The following CEP350 variants were observed in gnomAD, a reference collection of about 807,000 sequenced individuals.
CEP350 encodes centrosome-associated protein 350.
A neutral mutation model predicts 331.8 loss-of-function variants in CEP350; 126 were observed. That is an observed-to-expected ratio of 0.38 (90% confidence interval 0.33 to 0.44). The LOEUF is 0.44. Ranked by LOEUF, CEP350 falls within the 20% of genes least tolerant of loss-of-function variation. The pLI is 1.00. For missense variants in CEP350, 3,406 were observed against 3,634.6 expected (o/e 0.94, Z 1.62); for synonymous variants, 1,200 against 1,259.5 (o/e 0.95, Z 1.00).
chr1:180,096,033 T>C lies in CEP350; in HGVS notation c.8920-5T>C, dbSNP rs756230190. ...TTTTGTTTTGTTTTGTTTTTCTCTA[T>C]CAAGGCGGTTTTTGATTTAACAAAA... On this transcript the variant is annotated splice_polypyrimidine_tract_variant and splice_region_variant and intron_variant, in intron 35 of 37. Coordinates refer to ENST00000367607, the MANE Select transcript of CEP350 (RefSeq NM_014810.5). The C allele has an allele frequency of 6.4e-6, 10 of 1,551,314 alleles. No individual in the cohort carries two copies. The Middle Eastern group carries it at 1.5e-3, about 233-fold the overall frequency.
At chr1:180,039,452 G>T (rs1345104819) in intron 17 of CEP350, among the ~76,000 whole-genome samples, 1 of 151,976 alleles carries the variant, frequency 6.6e-6, no homozygotes, top group Non-Finnish European at 1.5e-5. Context: ...TTAATTTTTG[G>T]ATTTGATGTG....
rs1245070675 is a variant in CEP350 at position 180,054,575 on chromosome 1, G to C, written c.5262+73G>C. The C allele has an allele frequency of 8.1e-6, 9 of 1,107,790 alleles. No individual in the cohort carries two copies. In the East Asian group the frequency reaches 2.3e-4, roughly 29 times the overall value. The allele number at this position is 1,107,790 out of a possible 1,614,324, so 68.6% of individuals were successfully genotyped here. A position where few individuals can be genotyped will look rare whatever the true frequency, so the allele number is the denominator to read the frequency against. Reference sequence around the variant, plus strand: ...GTTTGTGGAATCTATTATTTTGCCTGATTTCTTTTCCTTATCATTGCCTTA... The same window carrying C: ...GTTTGTGGAATCTATTATTTTGCCTCATTTCTTTTCCTTATCATTGCCTTA... On this transcript the variant is annotated intron_variant, in intron 25 of 37. Transcript: ENST00000367607.
At chr1:180,079,786 C>T (rs1267345926) in intron 29 of CEP350, among the ~76,000 whole-genome samples, 2 of 151,938 alleles carry the variant, frequency 1.3e-5, no homozygotes, top group African/African-American at 4.8e-5. Context: ...TTGGAATAGC[C>T]ACAAACTGGC....
At chr1:179,984,233 A>G (rs1049648073) in intron 1 of CEP350, among the ~76,000 whole-genome samples, 44 of 152,220 alleles carry the variant, frequency 2.9e-4, no homozygotes, top group Admixed American at 2.8e-3. Flanking sequence ...TCTAACTCAT[A>G]ACCTCCCACC....
At chr1:179,981,613 C>T (rs1199374603) in intron 1 of CEP350, among the ~76,000 whole-genome samples, 2 of 152,106 alleles carry the variant, frequency 1.3e-5, no homozygotes, top group African/African-American at 4.8e-5. Flanking sequence ...AAAATATTCA[C>T]TTACAGGGCA....
At chr1:179,989,341 G>A (rs1440837924) in intron 3 of CEP350, among the ~76,000 whole-genome samples, 2 of 151,678 alleles carry the variant, frequency 1.3e-5, no homozygotes, top group Non-Finnish European at 2.9e-5. Flanking sequence ...AAATTAGCTG[G>A]GCATGGTGGT....
chr1:180,091,202 ACG>A (rs1660176619), intron 33 of CEP350, among the ~76,000 whole-genome samples: 1 of 147,476 alleles, frequency 6.8e-6, no homozygotes, highest in Non-Finnish European at 1.5e-5. Flanking sequence ...TTTTTAAGAG[ACG>A]GGGGGGTCTC....
At position 180,018,950 on chromosome 1, in the gene CEP350, G is replaced by T. The variant is rs1655145923; in HGVS notation, c.2175-999G>T. On this transcript the variant is annotated intron_variant, in intron 11 of 37. Coordinates refer to ENST00000367607, the MANE Select transcript of CEP350 (RefSeq NM_014810.5). ...GGCCCAATGCGTCCTCCACCTCTCG[G>T]GTTCAAGCGATACTTGTGCCTTAAC... Among the ~76,000 whole-genome samples the T allele has an allele frequency of 2.0e-5, 3 of 151,716 alleles. No individual in the cohort carries two copies. In the South Asian group the frequency reaches 6.2e-4, roughly 32 times the overall value.
Position 180,084,164 on chromosome 1 carries a change from A to T in CEP350, c.6271A>T (p.Ile2091Phe). The T allele has an allele frequency of 6.3e-7, 1 of 1,589,374 alleles. No homozygotes were observed. The highest frequency in any genetic ancestry group is 8.6e-7 in the Non-Finnish European group (1 of 1,167,190). ...ERLKAQEASL[I>F]KQLESYDEFI... ...ACTGAAAGCCCAAGAAGCCAGTCTG[A>T]TCAAGCAGTTAGAGGTTAGACATAG... The change falls in exon 31 of 38, where the codon ATC becomes TTC. Residue 2091 changes from isoleucine to phenylalanine, a missense_variant. Coordinates refer to ENST00000367607, the MANE Select transcript of CEP350 (RefSeq NM_014810.5).
chr1:180,084,825 G>A (rs1474106643), intron 31 of CEP350, among the ~76,000 whole-genome samples: 2 of 152,052 alleles, frequency 1.3e-5, no homozygotes, highest in Non-Finnish European at 2.9e-5. Context: ...GATTGCACCT[G>A]TGAATAGCCA....
intron 1 of CEP350, among the ~76,000 whole-genome samples, chr1:179,956,033 A>G (rs1345047900): frequency 1.3e-5 from 2 of 152,204 alleles, no homozygotes; most frequent in Admixed American, 6.5e-5. Flanking sequence ...AGTTCTGTAG[A>G]AACAATGATA....
At chr1:180,061,492 C>T (rs981212170) in intron 25 of CEP350, among the ~76,000 whole-genome samples, 1 of 152,040 alleles carries the variant, frequency 6.6e-6, no homozygotes, top group African/African-American at 2.4e-5. Context: ...CCATGCCCAG[C>T]CAAGAAAACA....
rs1553255696 is a variant in CEP350, at chr1:180,018,853, C to CTTCCTTT, written c.2175-1094_2175-1093insCCTTTTT. ...AAAGCCTCATGTTCGTCTTCTCTTTCTTTCTTTTTTTTTTTTTTTTTCTGA... is the reference window on the plus strand; with the variant it reads ...AAAGCCTCATGTTCGTCTTCTCTTTCTTCCTTTTTTCTTTTTTTTTTTTTTTTTCTGA... On this transcript the variant is annotated intron_variant, in intron 11 of 37. Transcript: ENST00000367607. Among the ~76,000 whole-genome samples, 7 of 83,764 alleles carry CTTCCTTT rather than the reference C, an allele frequency of 8.4e-5. 1 individual carries two copies. The highest frequency in any genetic ancestry group is 1.8e-4 in the Non-Finnish European group (6 of 32,452). 55.0% of individuals were successfully genotyped at this position (83,764 alleles called of 152,430 possible). A position where few individuals can be genotyped will look rare whatever the true frequency, so the allele number is the denominator to read the frequency against.
rs748646039 is a variant in CEP350 at position 179,997,020 on chromosome 1, G to A, written c.863G>A (p.Arg288Gln). 12 of 1,613,874 alleles carry A rather than the reference G, an allele frequency of 7.4e-6. No homozygotes were observed. Among genetic ancestry groups the A allele is most frequent in the South Asian group, 2.2e-5 (2 of 91,084 alleles). ...HDVKLEKLKE[R>Q]IRKQWEHSEE... ...GTCAAACTGGAAAAACTTAAGGAACGGATTAGAAAACAGTGGGAACACTCA... is the reference window on the plus strand; with the variant it reads ...GTCAAACTGGAAAAACTTAAGGAACAGATTAGAAAACAGTGGGAACACTCA... Residue 288 changes from arginine (R) to glutamine (Q), a missense_variant, in exon 6 of 38, where the codon CGG becomes CAG. By Grantham distance (43) the Arg-to-Gln change is conservative. Transcript: ENST00000367607.
intron 1 of CEP350, among the ~76,000 whole-genome samples, chr1:179,967,830 TA>T (rs1651130772): frequency 6.6e-6 from 1 of 152,246 alleles, no homozygotes; most frequent in Admixed American, 6.5e-5. Flanking sequence ...CACGTATACT[TA>T]TTTTTTTACG....
rs181018920 is a variant in CEP350 at position 179,956,598 on chromosome 1, C to T, written c.-14+1456C>T. On this transcript the variant is annotated intron_variant, in intron 1 of 37. Coordinates refer to ENST00000367607, the MANE Select transcript of CEP350 (RefSeq NM_014810.5). ...TGTCAGTCTTTTGCCCATTTTATAA[C>T]ACTTCTACCATATATGAGCAGAAGA... Among the ~76,000 whole-genome samples, 374 of 152,258 alleles carry T rather than the reference C, an allele frequency of 2.5e-3. 2 individuals carry two copies. Among genetic ancestry groups the T allele is most frequent in the Non-Finnish European group, 3.6e-3 (242 of 67,998 alleles).
chr1:179,989,602 G>A (rs1483529056), intron 3 of CEP350, among the ~76,000 whole-genome samples: 1 of 149,336 alleles, frequency 6.7e-6, no homozygotes, highest in Non-Finnish European at 1.5e-5. Context: ...CTAGTTTTTT[G>A]TTGTAAGCAT....
At chr1:180,016,092 T>C in intron 11 of CEP350, 122 bp downstream of exon 11, 1 of 1,163,356 alleles carries the variant, frequency 8.6e-7, no homozygotes, top group Non-Finnish European at 1.2e-6. Flanking sequence ...ATTTACAAAT[T>C]GGTTCATATC....
At chr1:179,998,076 A>G (rs1246177939) in intron 6 of CEP350, among the ~76,000 whole-genome samples, 1 of 149,528 alleles carries the variant, frequency 6.7e-6, no homozygotes. Context: ...CTATTTTTCT[A>G]TTTTTATTTT....
Sources: allele counts gnomAD v4.1 joint callset (sites outside exome capture counted in the v4.1 genomes callset), GRCh38; gene constraint gnomAD v4.1.1; transcripts MANE v1.5; gene names NCBI Gene and HGNC (gene_info 2026-07-23, HGNC 2026-07-21).